BANK1: variants seen among roughly 807,000 people sequenced by gnomAD.
BANK1 encodes B cell scaffold protein with ankyrin repeats 1, also known as B-cell scaffold protein with ankyrin repeats.
BANK1 carries 95 observed loss-of-function variants against 94.5 expected under a neutral mutation model. That is an observed-to-expected ratio of 1.00 (90% CI 0.85 to 1.19). The LOEUF (loss-of-function observed/expected upper bound fraction) is 1.19. BANK1 is among the 50% of genes most tolerant of loss of function. BANK1 has a pLI of 0.00. For synonymous variants in BANK1, 334 were observed against 308.4 expected (o/e 1.08, Z -0.87); for missense variants, 987 against 932.2 (o/e 1.06, Z -0.77).
At chr4:102,029,384 A>G (rs1387810594) in intron 9 of BANK1, among the ~76,000 whole-genome samples, 3 of 151,334 alleles carry the variant, frequency 2.0e-5, no homozygotes, top group African/African-American at 7.3e-5. Context: ...GAAACATGAA[A>G]CAACTTCAAA....
chr4:101,800,033 A>G (rs1442965194), intron 1 of BANK1, among the ~76,000 whole-genome samples: 1 of 151,444 alleles, frequency 6.6e-6, no homozygotes, highest in Non-Finnish European at 1.5e-5. Flanking sequence ...TCACAAGGAC[A>G]GAAAACTAAA....
intron 7 of BANK1, among the ~76,000 whole-genome samples, chr4:102,009,752 A>G (rs1726422454): frequency 6.6e-6 from 1 of 152,260 alleles, no homozygotes; most frequent in African/African-American, 2.4e-5. Flanking sequence ...TGTTAACATA[A>G]GTACAGAACT....
intron 5 of BANK1, among the ~76,000 whole-genome samples, chr4:101,888,522 A>G (rs542719553): frequency 3.9e-4 from 59 of 152,262 alleles, no homozygotes; most frequent in African/African-American, 1.4e-3. Context: ...ACTATTTCAG[A>G]TTTTATCCTT....
chr4:101,966,725 C>T (rs1215782125), intron 7 of BANK1, among the ~76,000 whole-genome samples: 1 of 152,040 alleles, frequency 6.6e-6, no homozygotes, highest in Non-Finnish European at 1.5e-5. Context: ...ATAAAGACAA[C>T]TTCAAGGATA....
chr4:102,016,653 A>C (rs1285647177), intron 7 of BANK1, among the ~76,000 whole-genome samples: 2 of 152,176 alleles, frequency 1.3e-5, no homozygotes, highest in South Asian at 4.1e-4. Flanking sequence ...AACTATTTTC[A>C]GGACTTTGCT....
chr4:102,046,050 A>G (rs1196000832), intron 11 of BANK1, among the ~76,000 whole-genome samples: 3 of 150,192 alleles, frequency 2.0e-5, no homozygotes, highest in Non-Finnish European at 4.4e-5. Context: ...CTATACTACA[A>G]GGCTACAGTA....
intron 6 of BANK1, among the ~76,000 whole-genome samples, chr4:101,900,099 C>G (rs1388611735): frequency 2.0e-5 from 3 of 152,164 alleles, no homozygotes; most frequent in African/African-American, 7.2e-5. Context: ...ATAGTATTTT[C>G]TCCCAATTAG....
chr4:101,905,690 A>C (rs1722425404), intron 6 of BANK1, among the ~76,000 whole-genome samples: 1 of 152,070 alleles, frequency 6.6e-6, no homozygotes, highest in African/African-American at 2.4e-5. Flanking sequence ...GAGTAGCTTT[A>C]TGCAAATTGC....
intron 1 of BANK1, among the ~76,000 whole-genome samples, chr4:101,791,589 A>T (rs1428246914): frequency 6.6e-6 from 1 of 152,256 alleles, no homozygotes; most frequent in East Asian, 1.9e-4. Flanking sequence ...GAAGCATTTC[A>T]AATGCATTTG....
In BANK1 at chr4:102,055,536, A is replaced by G. The variant is rs550414583; in HGVS notation, c.1970-4675A>G. The stretch of plus-strand genomic sequence containing the variant: ...AAAATAAAACGTGTAATTATTGGGA[A>G]GGAGATACTTTCTCCATTATTTTTA... On this transcript the variant is annotated intron_variant, in intron 11 of 16. Coordinates refer to ENST00000322953, the MANE Select transcript of BANK1 (RefSeq NM_017935.5). Among the ~76,000 whole-genome samples, 300 of 152,186 alleles carry G rather than the reference A, an allele frequency of 2.0e-3. 1 individual carries two copies. Among genetic ancestry groups the G allele is most frequent in the Non-Finnish European group, 3.8e-3 (256 of 67,930 alleles).
At chr4:101,908,619 A>C (rs1722549583) in intron 6 of BANK1, among the ~76,000 whole-genome samples, 1 of 152,224 alleles carries the variant, frequency 6.6e-6, no homozygotes, top group Non-Finnish European at 1.5e-5. Context: ...GTGAACAGGC[A>C]ACCTACAGAA....
At chr4:101,814,703 G>T (rs961228114) in intron 1 of BANK1, among the ~76,000 whole-genome samples, 1 of 152,044 alleles carries the variant, frequency 6.6e-6, no homozygotes, top group African/African-American at 2.4e-5. Flanking sequence ...TGTGACCTTG[G>T]GCAAGTCTCT....
chr4:101,809,893 C>T (rs1286704423), intron 1 of BANK1, among the ~76,000 whole-genome samples: 1 of 152,116 alleles, frequency 6.6e-6, no homozygotes, highest in Non-Finnish European at 1.5e-5. Flanking sequence ...TGTCCTAAGC[C>T]CCAGACCTGT....
At chr4:101,895,518 G>T in intron 6 of BANK1, 108 bp downstream of exon 6, 1 of 640,172 alleles carries the variant, frequency 1.6e-6, no homozygotes, top group Non-Finnish European at 2.7e-6. Context: ...CTGCTGATGA[G>T]ATGATTTAGA....
chr4:101,910,364 C>A (rs1426960182), intron 6 of BANK1, among the ~76,000 whole-genome samples: 3 of 152,030 alleles, frequency 2.0e-5, no homozygotes, highest in African/African-American at 7.2e-5. Flanking sequence ...ATTTTTTATT[C>A]CATCTGTGTC....
rs1305598826 is a variant in BANK1, at chr4:101,909,923, A to G, written c.1010-8070A>G. Among the ~76,000 whole-genome samples, 4 of 152,234 alleles carry G rather than the reference A, an allele frequency of 2.6e-5. No homozygotes were observed. The East Asian group carries it at 7.7e-4, about 29-fold the overall frequency. On this transcript the variant is annotated intron_variant, in intron 6 of 16. Coordinates refer to ENST00000322953, the MANE Select transcript of BANK1 (RefSeq NM_017935.5). ...TATTTTAAAATATGTAAACCATGAC[A>G]GAAGAGGGAAGTTTTCTTACAGAAA...
chr4:102,027,315 A>G (rs2631267), intron 9 of BANK1, among the ~76,000 whole-genome samples: 15,396 of 152,182 alleles, frequency 0.1, 1,098 homozygotes, highest in Admixed American at 0.2. Flanking sequence ...CGACTCTATC[A>G]AGGGTCTTCA....
At chr4:101,810,650 C>T (rs79623186) in intron 1 of BANK1, among the ~76,000 whole-genome samples, 2,873 of 152,172 alleles carry the variant, frequency 0.019, 92 homozygotes, top group African/African-American at 0.066. Context: ...TGTTTATTTA[C>T]AATCAGTGGT....
At chr4:101,836,294 A>G (rs1004303765) in intron 2 of BANK1, among the ~76,000 whole-genome samples, 1 of 152,128 alleles carries the variant, frequency 6.6e-6, no homozygotes, top group Non-Finnish European at 1.5e-5. Context: ...AGGCTGGCCA[A>G]CATGGTGAAA....
Sources: gnomAD v4.1 joint callset for allele counts (sites outside exome capture counted in the v4.1 genomes callset) on GRCh38, gnomAD v4.1.1 for gene constraint, MANE v1.5 for transcripts, NCBI Gene and HGNC (gene_info 2026-07-23, HGNC 2026-07-21) for gene names.